SLC14A2: variants seen among roughly 807,000 people sequenced by gnomAD.
The protein encoded by SLC14A2 is solute carrier family 14 member 2.
Under a neutral mutation model 104.6 loss-of-function variants are expected in SLC14A2, and 91 were observed. The observed-to-expected ratio is 0.87, with a 90% confidence interval of 0.73 to 1.04. SLC14A2 has a LOEUF of 1.04. Ranked by LOEUF, SLC14A2 falls within the 50% of genes least tolerant of loss-of-function variation. SLC14A2 has a pLI of 0.00. For missense variants in SLC14A2, 1,189 were observed against 1,156.0 expected, an observed-to-expected ratio of 1.03 and a Z score of -0.41; for synonymous variants, 476 against 466.4, an observed-to-expected ratio of 1.02 and a Z score of -0.27.
At chr18:45,442,529 T>G (rs1459895206) in intron 1 of SLC14A2, among the ~76,000 whole-genome samples, 1 of 152,182 alleles carries the variant, frequency 6.6e-6, no homozygotes, top group African/African-American at 2.4e-5. Flanking sequence ...ATATCCAAAT[T>G]TCCTCTTTTT....
At chr18:45,354,481 A>G (rs1212809231) in intron 1 of SLC14A2, among the ~76,000 whole-genome samples, 1 of 152,232 alleles carries the variant, frequency 6.6e-6, no homozygotes, top group Non-Finnish European at 1.5e-5. Context: ...GAGAACAACC[A>G]TGTCAGAGAC....
chr18:45,624,891 C>G, intron 2 of SLC14A2, 77 bp downstream of exon 2: 3 of 1,445,852 alleles, frequency 2.1e-6, no homozygotes, highest in Non-Finnish European at 2.8e-6. Context: ...GCCGCTTTCC[C>G]ACCTTCCCAG....
intron 1 of SLC14A2, among the ~76,000 whole-genome samples, chr18:45,268,445 A>G (rs1434723994): frequency 6.6e-6 from 1 of 152,254 alleles, no homozygotes; most frequent in Non-Finnish European, 1.5e-5. Flanking sequence ...ATGGTACGAT[A>G]TGATCTATGC....
intron 1 of SLC14A2, among the ~76,000 whole-genome samples, chr18:45,481,935 C>T (rs531782707): frequency 1.3e-5 from 2 of 152,230 alleles, no homozygotes; most frequent in East Asian, 1.9e-4. Flanking sequence ...GTTTTCTTTC[C>T]TGGGTTCTTG....
At chr18:45,500,593 A>G (rs12965894) in intron 2 of SLC14A2, among the ~76,000 whole-genome samples, 21,448 of 145,310 alleles carry the variant, frequency 0.15, 1,782 homozygotes, top group Middle Eastern at 0.25. Flanking sequence ...AAAAAAAAAA[A>G]AAAGAAATCC....
intron 19 of SLC14A2, among the ~76,000 whole-genome samples, chr18:45,680,039 G>A (rs1269716551): frequency 6.6e-6 from 1 of 152,202 alleles, no homozygotes; most frequent in East Asian, 1.9e-4. Context: ...AATACTGGAT[G>A]AATGAAGCCC....
chr18:45,307,352 A>G (rs1488379848), intron 1 of SLC14A2, among the ~76,000 whole-genome samples: 1 of 140,750 alleles, frequency 7.1e-6, no homozygotes, highest in African/African-American at 2.6e-5. Context: ...CGGGAGGTGG[A>G]GGTTGCAGTG....
intron 1 of SLC14A2, among the ~76,000 whole-genome samples, chr18:45,402,951 C>A (rs2144459531): frequency 6.6e-6 from 1 of 152,242 alleles, no homozygotes; most frequent in East Asian, 1.9e-4. Context: ...TAAATACCAT[C>A]TTATTATTAG....
rs1599099855 is a variant in SLC14A2, at chr18:45,638,659, C to T, written c.844-1087C>T. ...ACTGTACAGCAAAGTTTGGGAACCA[C>T]TGACCTAATCAATTCCTATTTGTTA... On this transcript the variant is annotated intron_variant, in intron 6 of 19. Transcript: ENST00000255226. Among the ~76,000 whole-genome samples, 3 of 152,212 alleles carry T rather than the reference C, an allele frequency of 2.0e-5. No individual in the cohort carries two copies. The East Asian group carries it at 5.8e-4, about 29-fold the overall frequency.
In SLC14A2 at chr18:45,402,080, A is replaced by G. The variant is rs1042188944; in HGVS notation, c.-124-81153A>G. Among the ~76,000 whole-genome samples the G allele has an allele frequency of 5.3e-5, 8 of 152,240 alleles. No individual in the cohort carries two copies. In the South Asian group the frequency reaches 1.7e-3, roughly 32 times the overall value. On this transcript the variant is annotated intron_variant, in intron 1 of 20. Coordinates refer to the SLC14A2 transcript ENST00000586448. ...CAGGAAGCCAAATCCCCCTCTAGCC[A>G]AAGAAGTGATGATACGGGTACTGAG... is the stretch of plus-strand genomic sequence containing the variant.
At chr18:45,478,230 A>G (rs2087422284) in intron 1 of SLC14A2, among the ~76,000 whole-genome samples, 1 of 152,180 alleles carries the variant, frequency 6.6e-6, no homozygotes, top group South Asian at 2.1e-4. Context: ...TCCCTTGAAT[A>G]GAAGAGGGAG....
Position 45,663,922 on chromosome 18 carries a change from C to G in SLC14A2, c.1474+15C>G. ...GAGGAGCAAAGGTGTGCATGTCCTC[C>G]CCCTCACGCTTGGATCCCTGCCTTC... On this transcript the variant is annotated intron_variant, in intron 11 of 19. Transcript: ENST00000255226. The G allele has an allele frequency of 2.5e-6, 4 of 1,603,212 alleles. No homozygotes were observed. The highest frequency in any genetic ancestry group is 3.4e-6 in the Non-Finnish European group (4 of 1,174,514).
chr18:45,575,444 GT>G (rs1338353052), intron 2 of SLC14A2, among the ~76,000 whole-genome samples: 3 of 152,152 alleles, frequency 2.0e-5, no homozygotes, highest in Non-Finnish European at 1.5e-5. Flanking sequence ...ATCCTACAGG[GT>G]TTTCACCTGC....
intron 1 of SLC14A2, among the ~76,000 whole-genome samples, chr18:45,300,891 G>A (rs560812561): frequency 9.9e-5 from 15 of 152,150 alleles, no homozygotes; most frequent in Non-Finnish European, 1.9e-4. Flanking sequence ...TCCTCTCCCC[G>A]GGAGCTGGCA....
At chr18:45,238,268 T>C (rs1415879909) in intron 1 of SLC14A2, among the ~76,000 whole-genome samples, 1 of 152,180 alleles carries the variant, frequency 6.6e-6, no homozygotes, top group East Asian at 1.9e-4. Context: ...TGCACAGCAC[T>C]ATATAGGACA....
intron 1 of SLC14A2, among the ~76,000 whole-genome samples, chr18:45,301,146 T>A (rs1396047395): frequency 6.6e-6 from 1 of 152,192 alleles, no homozygotes; most frequent in African/African-American, 2.4e-5. Context: ...GCATCTTCAC[T>A]AGTAATGTGG....
intron 1 of SLC14A2, among the ~76,000 whole-genome samples, chr18:45,351,178 A>C (rs1189029216): frequency 6.6e-6 from 1 of 152,102 alleles, no homozygotes; most frequent in Non-Finnish European, 1.5e-5. Flanking sequence ...ACCTATTTGT[A>C]TTTCATTATT....
intron 2 of SLC14A2, among the ~76,000 whole-genome samples, chr18:45,530,645 G>A (rs906278241): frequency 6.6e-6 from 1 of 152,030 alleles, no homozygotes; most frequent in Non-Finnish European, 1.5e-5. Flanking sequence ...AGCCTAAGAA[G>A]AGAAGGTACA....
intron 2 of SLC14A2, among the ~76,000 whole-genome samples, chr18:45,582,315 C>A (rs2044504572): frequency 6.6e-6 from 1 of 152,062 alleles, no homozygotes; most frequent in Admixed American, 6.5e-5. Context: ...TGATATTGGG[C>A]TAGAGATGCT....
Sources: gnomAD v4.1 joint callset for allele counts (sites outside exome capture counted in the v4.1 genomes callset) on GRCh38, gnomAD v4.1.1 for gene constraint, MANE v1.5 for transcripts, NCBI Gene and HGNC (gene_info 2026-07-23, HGNC 2026-07-21) for gene names.